Variants in PDE11A observed in about 807,000 individuals in gnomAD.
The protein encoded by PDE11A is phosphodiesterase 11A, also known as dual 3',5'-cyclic-AMP and -GMP phosphodiesterase 11A.
PDE11A carries 100 observed loss-of-function variants against 100.5 expected under a neutral mutation model. The observed-to-expected ratio is 1.00, with a 90% CI of 0.85 to 1.18. The LOEUF (loss-of-function observed/expected upper bound fraction) is 1.18. PDE11A is among the 50% of genes most tolerant of loss of function. The probability of loss-of-function intolerance (pLI) is 0.00; values close to 1 mark genes in which losing one functional copy is unlikely to be tolerated. For synonymous variants in PDE11A, 381 were observed against 420.8 expected, an observed-to-expected ratio of 0.91 and a Z score of 1.16; for missense variants, 1,141 against 1,152.6, an observed-to-expected ratio of 0.99 and a Z score of 0.15.
intron 4 of PDE11A, among the ~76,000 whole-genome samples, chr2:177,878,255 C>A (rs2084272267): frequency 6.6e-6 from 1 of 152,168 alleles, no homozygotes; most frequent in African/African-American, 2.4e-5. Context: ...ATGGTCACAA[C>A]AATATCTTCT....
At chr2:177,782,722 G>A (rs1227731223) in intron 9 of PDE11A, among the ~76,000 whole-genome samples, 1 of 152,024 alleles carries the variant, frequency 6.6e-6, no homozygotes, top group Non-Finnish European at 1.5e-5. Context: ...AGTATAATGT[G>A]AAGAAGGTTC....
chr2:177,778,343 A>C (rs2082406862), intron 9 of PDE11A, among the ~76,000 whole-genome samples: 1 of 152,198 alleles, frequency 6.6e-6, no homozygotes, highest in East Asian at 1.9e-4. Flanking sequence ...GGATTTGGGC[A>C]GCCATTTGCT....
chr2:177,692,459 G>C (rs1457212089), intron 15 of PDE11A, among the ~76,000 whole-genome samples: 1 of 152,100 alleles, frequency 6.6e-6, no homozygotes, highest in African/African-American at 2.4e-5. Flanking sequence ...CTGCCACAAG[G>C]ATCCTAGGAG....
chr2:178,028,807 C>A (rs2086509984), intron 1 of PDE11A, among the ~76,000 whole-genome samples: 1 of 152,158 alleles, frequency 6.6e-6, no homozygotes, highest in South Asian at 2.1e-4. Context: ...TACTCTCATG[C>A]AAATAACAGG....
intron 10 of PDE11A, among the ~76,000 whole-genome samples, chr2:177,734,495 AAACCCCATCTCTT>A (rs1217039148): frequency 6.6e-6 from 1 of 152,170 alleles, no homozygotes; most frequent in Non-Finnish European, 1.5e-5. Context: ...TAACACAGCG[AAACCCCATCTCTT>A]AAAAAAAAGT....
chr2:178,078,265 C>T (rs771828537), intron 2 of PDE11A, among the ~76,000 whole-genome samples: 1 of 152,106 alleles, frequency 6.6e-6, no homozygotes, highest in Non-Finnish European at 1.5e-5. Context: ...CAGTAAAAAG[C>T]TGTGCTGTGT....
At chr2:177,706,483 C>T (rs2081282374) in intron 13 of PDE11A, among the ~76,000 whole-genome samples, 1 of 152,178 alleles carries the variant, frequency 6.6e-6, no homozygotes, top group African/African-American at 2.4e-5. Flanking sequence ...AGATAGGTTT[C>T]TTGCAAGGGA....
chr2:178,009,469 T>C (rs1486042341), intron 2 of PDE11A, among the ~76,000 whole-genome samples: 1 of 152,174 alleles, frequency 6.6e-6, no homozygotes, highest in East Asian at 1.9e-4. Flanking sequence ...ATACAAACTC[T>C]CACCACTGCT....
intron 10 of PDE11A, among the ~76,000 whole-genome samples, chr2:177,740,331 T>C (rs2081854327): frequency 6.6e-6 from 1 of 152,240 alleles, no homozygotes; most frequent in Non-Finnish European, 1.5e-5. Context: ...AACTCAACCA[T>C]GTTTAGACAG....
chr2:177,882,951 G>C (rs912241304), intron 4 of PDE11A, among the ~76,000 whole-genome samples: 1 of 151,988 alleles, frequency 6.6e-6, no homozygotes, highest in Non-Finnish European at 1.5e-5. Flanking sequence ...TTTTCTATAA[G>C]AGGACTACTC....
intron 13 of PDE11A, among the ~76,000 whole-genome samples, chr2:177,709,112 T>C (rs2081321522): frequency 6.6e-6 from 1 of 151,984 alleles, no homozygotes; most frequent in African/African-American, 2.4e-5. Context: ...TAGGGTGAGC[T>C]GCGGCGAGTG....
At chr2:177,758,780 C>A (rs2082132006) in intron 10 of PDE11A, among the ~76,000 whole-genome samples, 1 of 152,200 alleles carries the variant, frequency 6.6e-6, no homozygotes, top group African/African-American at 2.4e-5. Context: ...ATACAGCAAG[C>A]ACAAGGGCCT....
chr2:177,737,487 G>A (rs1176151949), intron 10 of PDE11A, among the ~76,000 whole-genome samples: 26 of 150,554 alleles, frequency 1.7e-4, no homozygotes, highest in African/African-American at 6.3e-4. Flanking sequence ...TGTAGTCCCA[G>A]CTACTTGGGA....
At chr2:178,042,020 T>C (rs2086688780) in intron 1 of PDE11A, among the ~76,000 whole-genome samples, 1 of 152,230 alleles carries the variant, frequency 6.6e-6, no homozygotes, top group South Asian at 2.1e-4. Flanking sequence ...AAAGGCATGG[T>C]GTAAACATTA....
chr2:177,917,540 T>G (rs564104834), intron 2 of PDE11A, among the ~76,000 whole-genome samples: 1 of 152,250 alleles, frequency 6.6e-6, no homozygotes, highest in Non-Finnish European at 1.5e-5. Context: ...TATAAATATG[T>G]CTTACACATA....
intron 9 of PDE11A, among the ~76,000 whole-genome samples, chr2:177,805,156 AAAAAT>A (rs1178141510): frequency 6.6e-6 from 1 of 151,798 alleles, no homozygotes; most frequent in African/African-American, 2.4e-5. Context: ...CCCAGAAATA[AAAAAT>A]AAAATAAACA....
chr2:177,733,133 T>C (rs59572353), intron 10 of PDE11A, among the ~76,000 whole-genome samples: 4,342 of 152,292 alleles, frequency 0.029, 192 homozygotes, highest in African/African-American at 0.099. Context: ...CCATAGGATA[T>C]TAACAAAACA....
At chr2:177,853,855 TATATCTATATATGTATATAG>T (rs1457195294) in intron 5 of PDE11A, among the ~76,000 whole-genome samples, 30 of 145,028 alleles carry the variant, frequency 2.1e-4, no homozygotes, top group South Asian at 8.5e-4. Context: ...TATGTGTATA[TATATCTATATATGTATATAG>T]ATATCTATAT....
At chr2:177,637,918 CACATACATATAT>C (rs2080068521) in intron 19 of PDE11A, among the ~76,000 whole-genome samples, 1 of 33,320 alleles carries the variant, frequency 3.0e-5, no homozygotes, top group East Asian at 1.7e-3. Context: ...TACATATATA[CACATACATATAT>C]ACATATATAC....
Sources: allele counts gnomAD v4.1 joint callset (sites outside exome capture counted in the v4.1 genomes callset), GRCh38; gene constraint gnomAD v4.1.1; transcripts MANE v1.5; gene names NCBI Gene and HGNC (gene_info 2026-07-23, HGNC 2026-07-21).